ZNF843: variants seen among roughly 807,000 people sequenced by gnomAD.
ZNF843 encodes zinc finger protein 843.
For missense variants in ZNF843, 482 were observed against 469.4 expected (o/e 1.03, Z -0.25); for synonymous variants, 185 against 207.7 (o/e 0.89, Z 0.94).
chr16:31,435,545 C>T lies in ZNF843; in HGVS notation c.*258G>A. 1 of 350,248 alleles carries T rather than the reference C, an allele frequency of 2.9e-6. No homozygotes were observed. Among genetic ancestry groups the T allele is most frequent in the Non-Finnish European group, 5.1e-6 (1 of 195,440 alleles). The allele number at this position is 350,248 out of a possible 1,614,324, so 21.7% of individuals were successfully genotyped here. A position where few individuals can be genotyped will look rare whatever the true frequency, so the allele number is the denominator to read the frequency against. ...GCTCACGCGATCCTCCCACCTCGGT[C>T]TCTTAAAGCGCTGGGATTACAGGTG... On this transcript the variant is annotated 3_prime_UTR_variant, in exon 2 of 2. Transcript: ENST00000315678.
Position 31,437,027 on chromosome 16 carries a change from C to T in ZNF843, c.-178G>A. On this transcript the variant is annotated 5_prime_UTR_variant, in exon 2 of 2. Transcript: ENST00000315678. ...GTCTGGAGAGTTCTCTAATGTAAGA[C>T]GCTGGGCAATGTCATCTGAAGGTGT... The T allele has an allele frequency of 6.6e-6, 4 of 610,538 alleles. No individual in the cohort carries two copies. Among genetic ancestry groups the T allele is most frequent in the Non-Finnish European group, 8.8e-6 (3 of 342,644 alleles). 37.8% of individuals were successfully genotyped at this position (610,538 alleles called of 1,614,324 possible).
chr16:31,436,901 GCCGCAC>G lies in ZNF843; in HGVS notation c.-58_-53del. 6.9e-7 allele frequency: 1 copy of G among 1,443,388 alleles called. No homozygotes were observed. The highest frequency in any genetic ancestry group is 9.2e-7 in the Non-Finnish European group (1 of 1,085,894). 89.4% of individuals were successfully genotyped at this position (1,443,388 alleles called of 1,614,324 possible). ...AGGGAGTAACTGTACGGGAGGCTTT[GCCGCAC>G]TTGGCGCAGCTGTGGGGCCTCTGCC... On this transcript the variant is annotated 5_prime_UTR_variant, in exon 2 of 2. Coordinates refer to ENST00000315678, the MANE Select transcript of ZNF843 (RefSeq NM_001136509.3).
rs759190499 is a variant in ZNF843, at chr16:31,436,020, C to G, written c.830G>C (p.Arg277Pro). 2.0e-6 allele frequency: 3 copies of G among 1,527,842 alleles called. No homozygotes were observed. In the South Asian group the frequency reaches 3.7e-5, roughly 19 times the overall value. The allele number at this position is 1,527,842 out of a possible 1,614,324, so 94.6% of individuals were successfully genotyped here. A position where few individuals can be genotyped will look rare whatever the true frequency, so the allele number is the denominator to read the frequency against. ...MGPRSCASAG[R>P]DSREAVQAPG... is the part of the protein sequence containing the mutation. ...GGCCTGAACCGCCTCCCGCGAGTCC[C>G]GTCCCGCGCTCGCACAGCTTCTGGG... is the stretch of plus-strand genomic sequence containing the variant. The change falls in exon 2 of 2, where the codon CGG becomes CCG. Residue 277 changes from arginine to proline, a missense_variant. Physicochemically the swap from Arg to Pro is moderately radical, Grantham distance 103 (BLOSUM62 -2). Transcript: ENST00000315678.
intron 1 of ZNF843, among the ~76,000 whole-genome samples, chr16:31,439,077 C>G (rs1057468451): frequency 1.3e-5 from 2 of 151,942 alleles, no homozygotes; most frequent in African/African-American, 4.8e-5. Context: ...GTGCAGCACA[C>G]CAACATGGCA....
In ZNF843 at chr16:31,436,751, G is replaced by C; in HGVS notation, c.99C>G (p.Cys33Trp). ...AACCCCTCCCGCAGGCCTTGCACTTGCAGGGCTGACGGCCCTGGGTGAATC... is the reference window on the plus strand; with the variant it reads ...AACCCCTCCCGCAGGCCTTGCACTTCCAGGGCTGACGGCCCTGGGTGAATC... ...TGRFTQGRQP[C>W]KCKACGRGFT... The change falls in exon 2 of 2, where the codon TGC becomes TGG. Residue 33 changes from cysteine (C) to tryptophan (W), a missense_variant. Cys to Trp is a radical substitution (Grantham distance 215, BLOSUM62 -2). Coordinates refer to ENST00000315678, the MANE Select transcript of ZNF843 (RefSeq NM_001136509.3). 6.4e-7 allele frequency: 1 copy of C among 1,551,782 alleles called. No homozygotes were observed. The highest frequency in any genetic ancestry group is 8.7e-7 in the Non-Finnish European group (1 of 1,147,042).
At position 31,436,647 on chromosome 16, in the gene ZNF843, C is replaced by A; in HGVS notation, c.203G>T (p.Arg68Leu). ...TTGGAGCGGCCACAGCAGGTCTTGCCGCACTGGGGACAGCGACAAGGTCTC... is the reference window on the plus strand; with the variant it reads ...TTGGAGCGGCCACAGCAGGTCTTGCAGCACTGGGGACAGCGACAAGGTCTC... The part of the protein sequence containing the change: ...WRETLSLSPV[R>L]QDLLWPLQPH... The change falls in exon 2 of 2, where the codon CGG (arginine) becomes CTG (leucine). Residue 68 changes from arginine (R) to leucine (L), a missense_variant. Physicochemically the swap from Arg to Leu is moderately radical, Grantham distance 102. Coordinates refer to ENST00000315678, the MANE Select transcript of ZNF843 (RefSeq NM_001136509.3). 1 of 1,551,560 alleles carries A rather than the reference C, an allele frequency of 6.4e-7. No homozygotes were observed. The highest frequency in any genetic ancestry group is 8.7e-7 in the Non-Finnish European group (1 of 1,146,980).
Position 31,436,045 on chromosome 16 carries a change from G to A in ZNF843, c.805C>T (p.Pro269Ser), listed in dbSNP as rs1239757232. The change falls in exon 2 of 2, where the codon CCC (proline) becomes TCC (serine). Residue 269 changes from proline (P) to serine (S), a missense_variant. Transcript: ENST00000315678. ...PAAQQEGAMG[P>S]RSCASAGRDS... Reference sequence around the variant, plus strand: ...CGTCCCGCGCTCGCACAGCTTCTGGGCCCCATCGCCCCCTCCTGCTGAGCT... The same window carrying A: ...CGTCCCGCGCTCGCACAGCTTCTGGACCCCATCGCCCCCTCCTGCTGAGCT... 7 of 1,540,916 alleles carry A rather than the reference G, an allele frequency of 4.5e-6. No individual in the cohort carries two copies. The highest frequency in any genetic ancestry group is 6.1e-6 in the Non-Finnish European group (7 of 1,142,426).
At chr16:31,442,023 G>C (rs1014415494) in intron 1 of ZNF843, among the ~76,000 whole-genome samples, 1 of 152,234 alleles carries the variant, frequency 6.6e-6, no homozygotes, top group Admixed American at 6.5e-5. Flanking sequence ...ACTCCGGGAC[G>C]GGGGAGGCGG....
intron 1 of ZNF843, among the ~76,000 whole-genome samples, chr16:31,438,914 C>T: frequency 6.7e-6 from 1 of 148,506 alleles, no homozygotes; most frequent in Non-Finnish European, 1.5e-5. Flanking sequence ...AAAAAATAAA[C>T]ACCGCATGTT....
At chr16:31,437,708 T>C (rs1446658376) in intron 1 of ZNF843, among the ~76,000 whole-genome samples, 1 of 147,002 alleles carries the variant, frequency 6.8e-6, no homozygotes, top group Admixed American at 6.9e-5. Flanking sequence ...CACTGCAACC[T>C]CTGCCACCCG....
At position 31,436,714 on chromosome 16, in the gene ZNF843, C is replaced by T. The variant is rs1239160021; in HGVS notation, c.136G>A (p.Ala46Thr). 1.9e-6 allele frequency: 3 copies of T among 1,551,622 alleles called. No individual in the cohort carries two copies. Among genetic ancestry groups the T allele is most frequent in the Admixed American group, 2.0e-5 (1 of 51,018 alleles). ...KACGRGFTQS[A>T]SLLQHWRVHS... The stretch of plus-strand genomic sequence containing the variant: ...ACCCGCCAGTGCTGGAGGAGGGATG[C>T]GCTCTGAGTAAAACCCCTCCCGCAG... The change falls in exon 2 of 2, where the codon GCA (alanine) becomes ACA (threonine). Residue 46 changes from alanine (A) to threonine (T), a missense_variant. Ala to Thr is a moderately conservative substitution (Grantham distance 58, BLOSUM62 0). Coordinates refer to ENST00000315678, the MANE Select transcript of ZNF843 (RefSeq NM_001136509.3).
intron 1 of ZNF843, 79 bp from the exon 2 acceptor site, chr16:31,437,263 GCTT>G (rs1425548083): frequency 6.5e-6 from 1 of 153,010 alleles, no homozygotes; most frequent in Non-Finnish European, 1.4e-5. Flanking sequence ...TGTAATCAAT[GCTT>G]CTTTATTACT....
chr16:31,438,386 C>G (rs1371460391), intron 1 of ZNF843, among the ~76,000 whole-genome samples: 1 of 152,066 alleles, frequency 6.6e-6, no homozygotes, highest in Non-Finnish European at 1.5e-5. Flanking sequence ...TCAAAGTAGC[C>G]AAGAGTAGAG....
At chr16:31,441,736 C>A (rs899798098) in intron 1 of ZNF843, among the ~76,000 whole-genome samples, 1 of 152,172 alleles carries the variant, frequency 6.6e-6, no homozygotes, top group African/African-American at 2.4e-5. Context: ...ATCCTCCCGC[C>A]TTGGCTTCCC....
In ZNF843 at chr16:31,436,748, C is replaced by T; in HGVS notation, c.102G>A (p.Lys34=). The change falls in exon 2 of 2, where the codon AAG becomes AAA. Residue 34 remains lysine (K), a synonymous_variant. Coordinates refer to ENST00000315678, the MANE Select transcript of ZNF843 (RefSeq NM_001136509.3). ...TAAAACCCCTCCCGCAGGCCTTGCA[C>T]TTGCAGGGCTGACGGCCCTGGGTGA... The part of the protein sequence containing the change: ...GRFTQGRQPC[K]CKACGRGFTQ... 3.2e-6 allele frequency: 5 copies of T among 1,551,796 alleles called. No homozygotes were observed.
chr16:31,436,963 C>T lies in ZNF843; in HGVS notation c.-114G>A. On this transcript the variant is annotated 5_prime_UTR_variant, in exon 2 of 2. It adds an upstream start codon to the 5' untranslated region. Coordinates refer to ENST00000315678, the MANE Select transcript of ZNF843 (RefSeq NM_001136509.3). ...CAGGCTTCCCGTGGCCACGAGCTCA[C>T]AGTCTGGGAGCAGCACCCGGCCCCA... 9.5e-7 allele frequency: 1 copy of T among 1,056,686 alleles called. No individual in the cohort carries two copies. Among genetic ancestry groups the T allele is most frequent in the Admixed American group, 2.9e-5 (1 of 34,230 alleles). 65.5% of individuals were successfully genotyped at this position (1,056,686 alleles called of 1,614,324 possible).
At position 31,436,835 on chromosome 16, in the gene ZNF843, G is replaced by A; in HGVS notation, c.15C>T (p.Pro5=). ...AAACGCTTTCCACAGTCAGGGCAAA[G>A]GGGAGGCTTCTCATGAGCAGGGCTT... MRSL[P]FALTVESVSA... is the part of the protein sequence containing the mutation. The change falls in exon 2 of 2, where the codon CCC becomes CCT. Residue 5 remains proline, a synonymous_variant. Transcript: ENST00000315678. 2 of 1,540,460 alleles carry A rather than the reference G, an allele frequency of 1.3e-6. No homozygotes were observed. Among genetic ancestry groups the A allele is most frequent in the Non-Finnish European group, 1.8e-6 (2 of 1,140,394 alleles).
chr16:31,436,300 C>T lies in ZNF843; in HGVS notation c.550G>A (p.Ala184Thr), dbSNP rs2082180597. 12 of 1,548,698 alleles carry T rather than the reference C, an allele frequency of 7.7e-6. No homozygotes were observed. The highest frequency in any genetic ancestry group is 9.6e-6 in the Non-Finnish European group (11 of 1,145,320). ...RGGSVESVSLAPSSVAPDSTS... is the reference protein window; with the variant it reads ...RGGSVESVSLTPSSVAPDSTS... ...CTGTCCGGGGCGACTGAGCTGGGTG[C>T]GAGGCTGACGCTCTCCACGCTCCCA... Residue 184 changes from alanine to threonine, a missense_variant, in exon 2 of 2, where the codon GCA (alanine) becomes ACA (threonine). Transcript: ENST00000315678.
At position 31,440,456 on chromosome 16, in the gene ZNF843, T is replaced by A. The variant is rs183551198; in HGVS notation, c.-336+2180A>T. On this transcript the variant is annotated intron_variant, in intron 1 of 1. Coordinates refer to ENST00000315678, the MANE Select transcript of ZNF843 (RefSeq NM_001136509.3). ...TGCTCTCTGAAAAATAAGCATTTTT[T>A]TAACTTATGAACATTTCTCATTCAT... Among the ~76,000 whole-genome samples, 37 of 152,358 alleles carry A rather than the reference T, an allele frequency of 2.4e-4. 1 individual carries two copies. Among genetic ancestry groups the A allele is most frequent in the Non-Finnish European group, 3.4e-4 (23 of 68,042 alleles).
Sources: gnomAD v4.1 joint callset for allele counts (sites outside exome capture counted in the v4.1 genomes callset) on GRCh38, gnomAD v4.1.1 for gene constraint, MANE v1.5 for transcripts, NCBI Gene and HGNC (gene_info 2026-07-23, HGNC 2026-07-21) for gene names.